Variants in ABCA8 observed in about 807,000 individuals in gnomAD.
ABCA8 encodes the protein ABC-type organic anion transporter ABCA8.
A neutral mutation model predicts 192.3 loss-of-function variants in ABCA8; 177 were observed. The ratio of observed to expected loss-of-function variants is 0.92; its 90% CI spans 0.81 to 1.04. The LOEUF (loss-of-function observed/expected upper bound fraction) is 1.04, where lower values mean the gene tolerates loss of function less well. ABCA8 is among the 50% of genes least tolerant of loss of function. The pLI, the probability that ABCA8 is intolerant of heterozygous loss-of-function variation, is 0.00. For missense variants in ABCA8, 1,915 were observed against 1,904.8 expected (o/e 1.01, Z -0.10); for synonymous variants, 642 against 690.2 (o/e 0.93, Z 1.09).
intron 4 of ABCA8, among the ~76,000 whole-genome samples, chr17:68,939,843 C>T (rs4147962): frequency 0.097 from 14,730 of 152,006 alleles, 1,506 homozygotes; most frequent in African/African-American, 0.25. Flanking sequence ...ACTAGTCACC[C>T]TACTGATCTA....
intron 24 of ABCA8, among the ~76,000 whole-genome samples, chr17:68,890,977 T>C (rs1353593978): frequency 6.6e-6 from 1 of 152,250 alleles, no homozygotes; most frequent in African/African-American, 2.4e-5. Context: ...ATTTTGTGCA[T>C]GTGACGGATG....
intron 31 of ABCA8, among the ~76,000 whole-genome samples, 178 bp from the exon 32 acceptor site, chr17:68,881,389 A>G (rs970668059): frequency 6.6e-6 from 1 of 152,228 alleles, no homozygotes; most frequent in African/African-American, 2.4e-5. Context: ...GAAGCTCTCA[A>G]TGATGGGGTT....
intron 19 of ABCA8, among the ~76,000 whole-genome samples, chr17:68,903,837 C>T (rs2066981112): frequency 6.6e-6 from 1 of 152,050 alleles, no homozygotes; most frequent in Admixed American, 6.5e-5. Flanking sequence ...ATGCTCTGAA[C>T]AGGGAGTAAA....
chr17:68,876,234 C>A (rs1209224863), intron 35 of ABCA8: 3 of 594,178 alleles, frequency 5.0e-6, no homozygotes, highest in Non-Finnish European at 8.8e-6. Flanking sequence ...AAGAGTGAGA[C>A]CTATGGGCCC....
At chr17:68,893,597 T>C (rs1598211237) in intron 23 of ABCA8, among the ~76,000 whole-genome samples, 1 of 152,006 alleles carries the variant, frequency 6.6e-6, no homozygotes, top group Admixed American at 6.5e-5. Context: ...CCTTCCTTCA[T>C]TCATTCGTTC....
chr17:68,885,292 T>G lies in ABCA8; in HGVS notation c.3453A>C (p.Gly1151=). ...FYVVTVFSVA[G]FAFSIFESDI... is the part of the protein sequence containing the mutation. ...CACTTTCGAAGATACTGAACGCAAA[T>G]CCAGCCACAGAGAATACAGTGACCT... Residue 1151 remains glycine (G), a synonymous_variant, in exon 27 of 40, where the codon GGA becomes GGC. Coordinates refer to ENST00000586539, the MANE Select transcript of ABCA8 (RefSeq NM_001288985.2). 6.2e-7 allele frequency: 1 copy of G among 1,612,296 alleles called. No individual in the cohort carries two copies.
At position 68,929,601 on chromosome 17, in the gene ABCA8, A is replaced by T; in HGVS notation, c.899T>A (p.Met300Lys). The T allele has an allele frequency of 6.2e-7, 1 of 1,613,880 alleles. No individual in the cohort carries two copies. The highest frequency in any genetic ancestry group is 1.1e-5 in the South Asian group (1 of 91,074). The change falls in exon 8 of 40, where the codon ATG becomes AAG. Residue 300 changes from methionine (M) to lysine (K), a missense_variant. Coordinates refer to ENST00000586539, the MANE Select transcript of ABCA8 (RefSeq NM_001288985.2). Reference protein sequence around the residue: ...STQFIILSGFMVVFSLFLLYG... With the variant: ...STQFIILSGFKVVFSLFLLYG... Reference sequence around the variant, plus strand: ...CAGGAGAAAGAGGCTGAAGACTACCATGAAGCCAGACAAAATGATAAACTG... The same window carrying T: ...CAGGAGAAAGAGGCTGAAGACTACCTTGAAGCCAGACAAAATGATAAACTG...
At chr17:68,874,980 A>G (rs1448145108) in intron 37 of ABCA8, among the ~76,000 whole-genome samples, 2 of 152,094 alleles carry the variant, frequency 1.3e-5, no homozygotes, top group Non-Finnish European at 2.9e-5. Flanking sequence ...TTTGAAGTCT[A>G]CTCATTTTTT....
At chr17:68,877,486 T>TG (rs753964216) in intron 33 of ABCA8, 33 bp downstream of exon 33, 11 of 1,568,864 alleles carry the variant, frequency 7.0e-6, no homozygotes, top group Non-Finnish European at 8.7e-6. Context: ...ACCCCTCCCT[T>TG]GGGTATAGAA....
chr17:68,906,189 A>G lies in ABCA8; in HGVS notation c.2279-26T>C, dbSNP rs371050328. On this transcript the variant is annotated intron_variant, in intron 18 of 39. Transcript: ENST00000586539. ...CTAAAGAATACATATACAGCAGTGA[A>G]TTAAAACAAGAATCACAAGTGAACT... 22 of 1,448,870 alleles carry G rather than the reference A, an allele frequency of 1.5e-5. No homozygotes were observed. The African/African-American group carries it at 2.3e-4, about 15-fold the overall frequency. The allele number at this position is 1,448,870 out of a possible 1,614,324, so 89.8% of individuals were successfully genotyped here. A position where few individuals can be genotyped will look rare whatever the true frequency, so the allele number is the denominator to read the frequency against.
chr17:68,917,964 A>G, intron 16 of ABCA8, 83 bp downstream of exon 16: 1 of 1,517,992 alleles, frequency 6.6e-7, no homozygotes, highest in Non-Finnish European at 8.9e-7. Flanking sequence ...CCGAATTACA[A>G]AATATAACTG....
chr17:68,938,422 T>C (rs2068131912), intron 4 of ABCA8, among the ~76,000 whole-genome samples: 1 of 152,034 alleles, frequency 6.6e-6, no homozygotes, highest in South Asian at 2.1e-4. Flanking sequence ...TGGACGGAAG[T>C]TGACAAAGAA....
At chr17:68,941,855 G>A (rs2068238433) in intron 3 of ABCA8, 84 bp downstream of exon 3, 3 of 901,486 alleles carry the variant, frequency 3.3e-6, no homozygotes, top group African/African-American at 3.4e-5. Context: ...ATGTGTCGGG[G>A]GAGATACACA....
chr17:68,938,950 T>C (rs2068150419), intron 4 of ABCA8, among the ~76,000 whole-genome samples: 1 of 152,220 alleles, frequency 6.6e-6, no homozygotes. Context: ...GCATTATTTT[T>C]GTAGTTATTC....
intron 14 of ABCA8, 100 bp downstream of exon 14, chr17:68,919,201 A>T: frequency 1.8e-6 from 2 of 1,139,138 alleles, no homozygotes; most frequent in Non-Finnish European, 1.2e-6. Flanking sequence ...CAACAATTGT[A>T]CAATGATTTG....
Position 68,876,596 on chromosome 17 carries a change from A to T in ABCA8, c.4275+32T>A, listed in dbSNP as rs779239906. ...AGCCCATCTGGTTCCCATCTATGGC[A>T]CTTGCAGAGCAACACCAAGCCCTGC... On this transcript the variant is annotated intron_variant, in intron 34 of 39. Transcript: ENST00000586539. 1.9e-6 allele frequency: 3 copies of T among 1,614,008 alleles called. No homozygotes were observed. The African/African-American group carries it at 4.0e-5, about 22-fold the overall frequency.
At chr17:68,907,965 CAAAG>C in intron 17 of ABCA8, 86 bp from the exon 18 acceptor site, 1 of 1,173,742 alleles carries the variant, frequency 8.5e-7, no homozygotes, top group Non-Finnish European at 1.1e-6. Flanking sequence ...CTCTATAGGA[CAAAG>C]AAAATCAATT....
chr17:68,942,810 G>T (rs2068269729), intron 2 of ABCA8, among the ~76,000 whole-genome samples: 1 of 152,058 alleles, frequency 6.6e-6, no homozygotes, highest in Non-Finnish European at 1.5e-5. Flanking sequence ...CATCTTTATA[G>T]TTATTCTCCT....
chr17:68,908,341 A>T lies in ABCA8; in HGVS notation c.2139-462T>A, dbSNP rs1244159070. On this transcript the variant is annotated intron_variant, in intron 17 of 39. Transcript: ENST00000586539. ...CTTGTGAGAAGTATAGATGCCAAAC[A>T]GTTTCAGTTACTCAATGTAGTCATC... 2.0e-5 allele frequency among the ~76,000 whole-genome samples: 3 copies of T among 152,228 alleles called. No individual in the cohort carries two copies. The South Asian group carries it at 6.2e-4, about 31-fold the overall frequency.
Sources: gnomAD v4.1 joint callset for allele counts (sites outside exome capture counted in the v4.1 genomes callset) on GRCh38, gnomAD v4.1.1 for gene constraint, MANE v1.5 for transcripts, NCBI Gene and HGNC (gene_info 2026-07-23, HGNC 2026-07-21) for gene names.